NUP37: variants seen among roughly 807,000 people sequenced by gnomAD.
NUP37 encodes nucleoporin 37.
In NUP37, 33 loss-of-function variants were observed where a neutral mutation model predicts 45.4. That is an observed-to-expected ratio of 0.73 (90% CI 0.55 to 0.97). The LOEUF (loss-of-function observed/expected upper bound fraction) is 0.97. Among genes scored for constraint, NUP37 ranks in the 50% least tolerant of loss-of-function variants. The probability of loss-of-function intolerance (pLI) is 0.00; values close to 1 mark genes in which losing one functional copy is unlikely to be tolerated. For synonymous variants in NUP37, 127 were observed against 130.7 expected, an observed-to-expected ratio of 0.97 and a Z score of 0.19; for missense variants, 365 against 389.7, an observed-to-expected ratio of 0.94 and a Z score of 0.53.
At chr12:102,097,049 A>G (rs961736095) in intron 5 of NUP37, among the ~76,000 whole-genome samples, 3 of 152,172 alleles carry the variant, frequency 2.0e-5, no homozygotes, top group African/African-American at 7.2e-5. Context: ...ATATGGGTCC[A>G]TATCTGCTCC....
intron 3 of NUP37, among the ~76,000 whole-genome samples, chr12:102,103,466 T>A (rs1005583494): frequency 6.6e-6 from 1 of 152,182 alleles, no homozygotes; most frequent in African/African-American, 2.4e-5. Flanking sequence ...AATTCACTAA[T>A]CAGTTCTAAC....
At chr12:102,119,873 A>C (rs182947340) in intron 1 of NUP37, among the ~76,000 whole-genome samples, 177 bp downstream of exon 1, 1 of 152,178 alleles carries the variant, frequency 6.6e-6, no homozygotes, top group Admixed American at 6.5e-5. Context: ...AGGGAACAAG[A>C]TAAGTCTCTG....
At chr12:102,088,339 T>G (rs1352331115) in intron 5 of NUP37, among the ~76,000 whole-genome samples, 2 of 152,162 alleles carry the variant, frequency 1.3e-5, no homozygotes, top group African/African-American at 2.4e-5. Context: ...CACTTTTTTT[T>G]GGGTAAAATT....
At chr12:102,097,475 A>G (rs948117625) in intron 5 of NUP37, among the ~76,000 whole-genome samples, 1 of 152,120 alleles carries the variant, frequency 6.6e-6, no homozygotes, top group African/African-American at 2.4e-5. Flanking sequence ...CTTATATTCG[A>G]CAAAATAAAA....
intron 5 of NUP37, among the ~76,000 whole-genome samples, chr12:102,096,230 A>G (rs1409534661): frequency 1.3e-5 from 2 of 152,152 alleles, no homozygotes; most frequent in South Asian, 4.1e-4. Flanking sequence ...TGGAACTGAT[A>G]AAGACCAACT....
rs1362011853 is a variant in NUP37 at position 102,076,791 on chromosome 12, C to T, written c.773+6G>A. The T allele has an allele frequency of 6.2e-7, 1 of 1,612,628 alleles. No homozygotes were observed. The highest frequency in any genetic ancestry group is 8.5e-7 in the Non-Finnish European group (1 of 1,178,962). Reference sequence around the variant, plus strand: ...AATCACAGCTCCAACAAAAACGGTACATTACCTGAATAAGCAGGCTCGATC... The same window carrying T: ...AATCACAGCTCCAACAAAAACGGTATATTACCTGAATAAGCAGGCTCGATC... On this transcript the variant is annotated splice_donor_region_variant and intron_variant, in intron 8 of 9. Coordinates refer to ENST00000552283, the MANE Select transcript of NUP37 (RefSeq NM_024057.4).
chr12:102,106,758 C>T (rs1176185531), intron 3 of NUP37, among the ~76,000 whole-genome samples: 1 of 152,132 alleles, frequency 6.6e-6, no homozygotes, highest in Non-Finnish European at 1.5e-5. Flanking sequence ...GCTTTGTGGT[C>T]CTGATGGTGA....
At chr12:102,109,285 T>C (rs985849467) in intron 3 of NUP37, among the ~76,000 whole-genome samples, 2 of 152,186 alleles carry the variant, frequency 1.3e-5, no homozygotes, top group African/African-American at 4.8e-5. Context: ...TACATGCTAA[T>C]GATAAGCCAT....
intron 5 of NUP37, 119 bp downstream of exon 5, chr12:102,098,987 C>T: frequency 1.3e-6 from 1 of 741,272 alleles, no homozygotes; most frequent in South Asian, 1.6e-5. Context: ...ATAAGGTATG[C>T]TTCTTTTACA....
intron 5 of NUP37, among the ~76,000 whole-genome samples, chr12:102,095,205 C>G (rs1248658180): frequency 6.6e-6 from 1 of 151,962 alleles, no homozygotes; most frequent in Non-Finnish European, 1.5e-5. Context: ...TAAGCTTAAC[C>G]CACTAAATAC....
intron 5 of NUP37, among the ~76,000 whole-genome samples, chr12:102,094,215 A>G (rs1429455326): frequency 3.3e-5 from 5 of 152,156 alleles, no homozygotes; most frequent in Admixed American, 2.6e-4. Context: ...GGCTCTTGTT[A>G]GAACTATGCA....
chr12:102,074,432 T>C lies in NUP37; in HGVS notation c.903A>G (p.Gly301=). The C allele has an allele frequency of 6.2e-7, 1 of 1,611,640 alleles. No homozygotes were observed. The highest frequency in any genetic ancestry group is 8.5e-7 in the Non-Finnish European group (1 of 1,178,538). ...ILMGSVAVGS[G]LSWHRTLPLC... is the part of the protein sequence containing the mutation. ...GAGGGAGAGTTCGATGCCAGGACAG[T>C]CCAGATCCAACGGCTACAGAACCCA... is the stretch of plus-strand genomic sequence containing the variant. Residue 301 remains glycine, a synonymous_variant, in exon 10 of 10, where the codon GGA becomes GGG. Coordinates refer to ENST00000552283, the MANE Select transcript of NUP37 (RefSeq NM_024057.4).
chr12:102,111,073 A>G (rs1191107494), intron 3 of NUP37, among the ~76,000 whole-genome samples: 1 of 152,230 alleles, frequency 6.6e-6, no homozygotes, highest in Admixed American at 6.5e-5. Context: ...ACCTATTTAC[A>G]GAAGAATGAA....
At chr12:102,085,352 G>A (rs1879438236) in intron 6 of NUP37, among the ~76,000 whole-genome samples, 2 of 152,052 alleles carry the variant, frequency 1.3e-5, no homozygotes, top group South Asian at 4.1e-4. Flanking sequence ...AGCCTGGGAG[G>A]CGGAGGCTGC....
In NUP37 at chr12:102,117,784, T is replaced by C. The variant is rs552058415; in HGVS notation, c.156+579A>G. Among the ~76,000 whole-genome samples, 8 of 152,350 alleles carry C rather than the reference T, an allele frequency of 5.3e-5. No individual in the cohort carries two copies. The East Asian group carries it at 1.5e-3, about 29-fold the overall frequency. On this transcript the variant is annotated intron_variant, in intron 2 of 9. Coordinates refer to ENST00000552283, the MANE Select transcript of NUP37 (RefSeq NM_024057.4). ...GCTAAATATCTTATTCAAGGTCTCA[T>C]AGCTAGTAAGAAGTAAGTAAAGCAG...
intron 5 of NUP37, among the ~76,000 whole-genome samples, chr12:102,096,136 T>C (rs1002014459): frequency 6.6e-6 from 1 of 152,168 alleles, no homozygotes; most frequent in African/African-American, 2.4e-5. Context: ...TCTGTACTTA[T>C]ATATTTGGAA....
Position 102,085,786 on chromosome 12 carries a change from G to A in NUP37, c.520C>T (p.His174Tyr). The A allele has an allele frequency of 6.3e-7, 1 of 1,581,092 alleles. No homozygotes were observed. The highest frequency in any genetic ancestry group is 8.7e-7 in the Non-Finnish European group (1 of 1,153,196). ...ATAACCTTAAAAGTCTCCTCAGGAT[G>A]CCAGCACACACTCATGCCAGGAGAA... ...LHSPGMSVCW[H>Y]PEETFKLMVA... Residue 174 changes from histidine to tyrosine, a missense_variant, in exon 6 of 10, where the codon CAT becomes TAT. Coordinates refer to ENST00000552283, the MANE Select transcript of NUP37 (RefSeq NM_024057.4).
chr12:102,074,680 C>T, intron 9 of NUP37: 1 of 496,824 alleles, frequency 2.0e-6, no homozygotes, highest in Non-Finnish European at 3.5e-6. Flanking sequence ...ACAGTCCAGA[C>T]TCCATTTTTG....
At chr12:102,075,620 A>C (rs769657011) in intron 8 of NUP37, among the ~76,000 whole-genome samples, 3 of 152,166 alleles carry the variant, frequency 2.0e-5, no homozygotes, top group African/African-American at 4.8e-5. Flanking sequence ...TGAAGTGCTT[A>C]TTTTGTGTCA....
Sources: allele counts gnomAD v4.1 joint callset (sites outside exome capture counted in the v4.1 genomes callset), GRCh38; gene constraint gnomAD v4.1.1; transcripts MANE v1.5; gene names NCBI Gene and HGNC (gene_info 2026-07-23, HGNC 2026-07-21).